Variants in DLC1 observed in about 807,000 individuals in gnomAD.
DLC1 encodes DLC1 Rho GTPase activating protein.
A neutral mutation model predicts 140.3 loss-of-function variants in DLC1; 54 were observed. The ratio of observed to expected loss-of-function variants is 0.38; its 90% CI spans 0.31 to 0.48. The LOEUF is 0.48. Among genes scored for constraint, DLC1 ranks in the 20% least tolerant of loss-of-function variants. DLC1 has a pLI of 0.96. For synonymous variants in DLC1, 986 were observed against 728.1 expected (o/e 1.35, Z -5.70); for missense variants, 2,536 against 1,907.0 (o/e 1.33, Z -6.14).
intron 1 of DLC1, among the ~76,000 whole-genome samples, chr8:13,524,913 T>A (rs1216986103): frequency 6.6e-6 from 1 of 152,216 alleles, no homozygotes; most frequent in Non-Finnish European, 1.5e-5. Flanking sequence ...ATGCCTGTGA[T>A]ATCATTGCCA....
chr8:13,591,641 TC>T (rs1037362558), intron 1 of DLC1, among the ~76,000 whole-genome samples: 2 of 152,108 alleles, frequency 1.3e-5, no homozygotes, highest in African/African-American at 2.4e-5. Context: ...TGTTTTTTTT[TC>T]TTTAATCTAG....
At chr8:13,444,539 C>CA (rs1480756724) in intron 2 of DLC1, among the ~76,000 whole-genome samples, 6 of 152,108 alleles carry the variant, frequency 3.9e-5, no homozygotes, top group African/African-American at 1.2e-4. Flanking sequence ...AGTTTAGGTG[C>CA]ATTCTACACT....
At chr8:13,143,304 C>T (rs934969635) in intron 5 of DLC1, among the ~76,000 whole-genome samples, 18 of 152,190 alleles carry the variant, frequency 1.2e-4, no homozygotes, top group South Asian at 2.1e-4. Context: ...AAAACATGTG[C>T]AGAAAATCTT....
intron 2 of DLC1, among the ~76,000 whole-genome samples, chr8:13,426,184 A>T (rs967279705): frequency 4.1e-5 from 6 of 147,680 alleles, no homozygotes; most frequent in African/African-American, 1.5e-4. Context: ...GTCCATGCTT[A>T]ATATTCCAAA....
intron 5 of DLC1, among the ~76,000 whole-genome samples, chr8:13,265,097 A>G (rs1307567384): frequency 6.6e-6 from 1 of 152,212 alleles, no homozygotes; most frequent in Non-Finnish European, 1.5e-5. Context: ...AAGTTGTCAA[A>G]TGCTATTTTC....
chr8:13,348,956 A>G (rs1193828323), intron 4 of DLC1, among the ~76,000 whole-genome samples: 1 of 152,198 alleles, frequency 6.6e-6, no homozygotes, highest in Non-Finnish European at 1.5e-5. Flanking sequence ...AATTGGAGGC[A>G]GCAGCCGCTC....
chr8:13,086,205 G>A (rs1283676117), intron 17 of DLC1, 85 bp downstream of exon 17: 1 of 1,512,938 alleles, frequency 6.6e-7, no homozygotes, highest in East Asian at 2.3e-5. Context: ...TGACGTGTTT[G>A]TTTAAGGCAT....
chr8:13,552,004 C>A (rs1803874269), intron 1 of DLC1, among the ~76,000 whole-genome samples: 1 of 128,056 alleles, frequency 7.8e-6, no homozygotes, highest in African/African-American at 2.9e-5. Flanking sequence ...TGTGTGTGTG[C>A]ATATATATGT....
rs1252499122 is a variant in DLC1, at chr8:13,453,404, GTATA to G, written c.1023+45641_1023+45644del. On this transcript the variant is annotated intron_variant, in intron 2 of 17. Transcript: ENST00000276297. ...TGGCCCAGGATATATATATATATGT[GTATA>G]TATATATATATATATGTGTATATAT... Among the ~76,000 whole-genome samples the G allele has an allele frequency of 3.0e-4, 7 of 22,968 alleles. 2 individuals carry two copies. Among genetic ancestry groups the G allele is most frequent in the African/African-American group, 1.4e-3 (7 of 4,910 alleles). The allele number at this position is 22,968 out of a possible 152,430, so 15.1% of individuals were successfully genotyped here. A position where few individuals can be genotyped will look rare whatever the true frequency, so the allele number is the denominator to read the frequency against.
At chr8:13,387,930 G>T (rs1330853747) in intron 4 of DLC1, among the ~76,000 whole-genome samples, 1 of 151,900 alleles carries the variant, frequency 6.6e-6, no homozygotes, top group African/African-American at 2.4e-5. Context: ...TTCTTCATGG[G>T]GATTTGCACA....
intron 1 of DLC1, among the ~76,000 whole-genome samples, chr8:13,598,858 T>G (rs1805769837): frequency 6.6e-6 from 1 of 151,564 alleles, no homozygotes; most frequent in Non-Finnish European, 1.5e-5. Flanking sequence ...AATTTAAAAC[T>G]TTTTTTTGGC....
At chr8:13,398,525 GA>G (rs1268219088) in intron 3 of DLC1, among the ~76,000 whole-genome samples, 2 of 151,454 alleles carry the variant, frequency 1.3e-5, no homozygotes, top group Non-Finnish European at 2.9e-5. Flanking sequence ...AACACATTGG[GA>G]GGCCGAGGTG....
chr8:13,392,132 C>T (rs948616847), intron 4 of DLC1, among the ~76,000 whole-genome samples: 8 of 152,142 alleles, frequency 5.3e-5, no homozygotes, highest in African/African-American at 1.9e-4. Flanking sequence ...TTTCAGTTTA[C>T]CCCGAAAGAT....
At chr8:13,291,753 C>T (rs1315602326) in intron 5 of DLC1, among the ~76,000 whole-genome samples, 2 of 152,048 alleles carry the variant, frequency 1.3e-5, no homozygotes, top group Non-Finnish European at 2.9e-5. Flanking sequence ...GAAACCAAAC[C>T]AACCAAACCA....
chr8:13,180,634 C>G (rs1825979439), intron 5 of DLC1, among the ~76,000 whole-genome samples: 1 of 151,820 alleles, frequency 6.6e-6, no homozygotes, highest in South Asian at 2.1e-4. Flanking sequence ...TAGAACTGGT[C>G]ACTAAATCAA....
chr8:13,172,714 A>G (rs934816383), intron 5 of DLC1, among the ~76,000 whole-genome samples: 2 of 152,232 alleles, frequency 1.3e-5, no homozygotes, highest in African/African-American at 4.8e-5. Context: ...CTGTTTCAGT[A>G]TCAGAAAATG....
chr8:13,535,669 T>TAA (rs55970525), intron 1 of DLC1, among the ~76,000 whole-genome samples: 50,682 of 111,598 alleles, frequency 0.45, 11,865 homozygotes, highest in East Asian at 0.59. Context: ...CATTGCTCAT[T>TAA]AAAAAAAAAA....
At chr8:13,146,221 G>C (rs973244777) in intron 5 of DLC1, among the ~76,000 whole-genome samples, 3 of 150,902 alleles carry the variant, frequency 2.0e-5, no homozygotes, top group African/African-American at 7.3e-5. Flanking sequence ...GCCGAAGTGA[G>C]ACTAGACTGT....
intron 2 of DLC1, among the ~76,000 whole-genome samples, chr8:13,412,863 C>T (rs565640268): frequency 1.5e-5 from 2 of 137,564 alleles, no homozygotes; most frequent in Non-Finnish European, 3.0e-5. Context: ...ACCCAGGAGG[C>T]GGAGCTTGCA....
Sources: allele counts gnomAD v4.1 joint callset (sites outside exome capture counted in the v4.1 genomes callset), GRCh38; gene constraint gnomAD v4.1.1; transcripts MANE v1.5; gene names NCBI Gene and HGNC (gene_info 2026-07-23, HGNC 2026-07-21).